The following SLCO6A1 variants were observed in gnomAD, a reference collection of about 807,000 sequenced individuals.
SLCO6A1 encodes cancer/testis antigen 48.
Under a neutral mutation model 72.7 loss-of-function variants are expected in SLCO6A1, and 65 were observed. The ratio of observed to expected loss-of-function variants is 0.89; its 90% confidence interval spans 0.73 to 1.10. The LOEUF (loss-of-function observed/expected upper bound fraction) is 1.10, where lower values mean the gene tolerates loss of function less well. Ranked by LOEUF, SLCO6A1 falls within the 50% of genes least tolerant of loss-of-function variation. The probability of loss-of-function intolerance (pLI) is 0.00; values close to 1 mark genes in which losing one functional copy is unlikely to be tolerated. For synonymous variants in SLCO6A1, 314 were observed against 298.2 expected (o/e 1.05, Z -0.55); for missense variants, 874 against 872.6 (o/e 1.00, Z -0.02).
intron 8 of SLCO6A1, among the ~76,000 whole-genome samples, chr5:102,418,229 C>A (rs1362125374): frequency 2.0e-5 from 3 of 151,634 alleles, no homozygotes. Flanking sequence ...TATACATATA[C>A]TTTTTGCTAA....
chr5:102,445,352 C>T (rs953091334), intron 6 of SLCO6A1, among the ~76,000 whole-genome samples: 1 of 152,100 alleles, frequency 6.6e-6, no homozygotes, highest in Non-Finnish European at 1.5e-5. Flanking sequence ...TGTTTTTTGG[C>T]CACATGTATG....
chr5:102,498,269 A>G (rs1283436475), intron 1 of SLCO6A1, among the ~76,000 whole-genome samples: 1 of 152,184 alleles, frequency 6.6e-6, no homozygotes, highest in Non-Finnish European at 1.5e-5. Flanking sequence ...CCCTTCCTTG[A>G]TAAATCTTCT....
chr5:102,493,051 GA>G (rs1752753263), intron 1 of SLCO6A1, among the ~76,000 whole-genome samples: 2 of 152,028 alleles, frequency 1.3e-5, no homozygotes, highest in Non-Finnish European at 1.5e-5. Context: ...ATGTACCCTA[GA>G]ACTTAAAGTG....
In SLCO6A1 at chr5:102,493,826, G is replaced by A. The variant is rs540173102; in HGVS notation, c.358+4661C>T. 2.1e-3 allele frequency among the ~76,000 whole-genome samples: 316 copies of A among 152,262 alleles called. 3 individuals carry two copies. Among genetic ancestry groups the A allele is most frequent in the African/African-American group, 7.2e-3 (300 of 41,568 alleles). Reference sequence around the variant, plus strand: ...CAGGATAGAAGATGTAAATGAAGATGATATATCCAGCATGTTCAGTCATGA... The same window carrying A: ...CAGGATAGAAGATGTAAATGAAGATAATATATCCAGCATGTTCAGTCATGA... On this transcript the variant is annotated intron_variant, in intron 1 of 13. Transcript: ENST00000506729.
chr5:102,405,062 A>G (rs561382876), intron 9 of SLCO6A1, among the ~76,000 whole-genome samples: 4 of 152,284 alleles, frequency 2.6e-5, no homozygotes, highest in African/African-American at 9.6e-5. Context: ...TATTTGTTAT[A>G]CAATTTTACA....
At chr5:102,408,867 A>G (rs966703188) in intron 9 of SLCO6A1, among the ~76,000 whole-genome samples, 5 of 152,170 alleles carry the variant, frequency 3.3e-5, no homozygotes, top group African/African-American at 1.2e-4. Context: ...TTCCAATGAT[A>G]TTTAAGCTGA....
At chr5:102,427,860 ATATATTTTTTT>A (rs1436096582) in intron 7 of SLCO6A1, among the ~76,000 whole-genome samples, 6 of 99,464 alleles carry the variant, frequency 6.0e-5, no homozygotes, top group African/African-American at 3.7e-4. Context: ...ATATATATAT[ATATATTTTTTT>A]TTTTTTTTTT....
In SLCO6A1 at chr5:102,473,272, A is replaced by T. The variant is rs191865041; in HGVS notation, c.899+2425T>A. On this transcript the variant is annotated intron_variant, in intron 4 of 13. Transcript: ENST00000506729. ...TAACAACATATTAAAGGGAATATAC[A>T]TCATAATCAAGTGGGATTTGTTTCT... 1.6e-3 allele frequency among the ~76,000 whole-genome samples: 237 copies of T among 152,196 alleles called. 1 individual carries two copies. Among genetic ancestry groups the T allele is most frequent in the Admixed American group, 5.8e-3 (89 of 15,256 alleles).
intron 12 of SLCO6A1, among the ~76,000 whole-genome samples, chr5:102,380,904 T>C (rs183841725): frequency 6.6e-6 from 1 of 151,928 alleles, no homozygotes; most frequent in Non-Finnish European, 1.5e-5. Context: ...AGAGTAAGCA[T>C]GCCAACCACC....
At chr5:102,412,899 C>T in intron 9 of SLCO6A1, 91 bp downstream of exon 9, 1 of 527,802 alleles carries the variant, frequency 1.9e-6, no homozygotes, top group Non-Finnish European at 2.8e-6. Context: ...TTGAACATTT[C>T]ACTAAAGAGG....
intron 1 of SLCO6A1, 150 bp downstream of exon 1, chr5:102,498,337 G>A (rs999965754): frequency 1.5e-6 from 1 of 687,514 alleles, no homozygotes; most frequent in Non-Finnish European, 2.4e-6. Context: ...ATCCGACAAC[G>A]CCTTGAGAAG....
intron 7 of SLCO6A1, among the ~76,000 whole-genome samples, chr5:102,428,455 A>G (rs998035145): frequency 4.6e-5 from 7 of 152,282 alleles, no homozygotes; most frequent in Non-Finnish European, 7.4e-5. Context: ...GGAAATCTTC[A>G]TAACAACAAG....
chr5:102,405,779 T>C (rs2112566684), intron 9 of SLCO6A1, among the ~76,000 whole-genome samples: 1 of 152,162 alleles, frequency 6.6e-6, no homozygotes, highest in African/African-American at 2.4e-5. Context: ...ACTACATTAT[T>C]TTCATAAGAT....
intron 6 of SLCO6A1, among the ~76,000 whole-genome samples, chr5:102,453,473 A>T (rs1031866391): frequency 9.9e-5 from 15 of 152,172 alleles, no homozygotes; most frequent in Non-Finnish European, 4.4e-5. Context: ...GACAGTTTGT[A>T]CTGACTTTTT....
intron 1 of SLCO6A1, among the ~76,000 whole-genome samples, chr5:102,491,915 T>C (rs1752699515): frequency 6.6e-6 from 1 of 152,224 alleles, no homozygotes. Context: ...CTCTCAACAG[T>C]TCTGCAGGCT....
intron 9 of SLCO6A1, among the ~76,000 whole-genome samples, chr5:102,411,683 G>A (rs2112584389): frequency 6.6e-6 from 1 of 152,022 alleles, no homozygotes; most frequent in Non-Finnish European, 1.5e-5. Context: ...CATCAGATGG[G>A]TTTTATTTAA....
chr5:102,446,981 C>T (rs966568895), intron 6 of SLCO6A1, among the ~76,000 whole-genome samples: 1 of 152,146 alleles, frequency 6.6e-6, no homozygotes, highest in African/African-American at 2.4e-5. Flanking sequence ...TCTCAAGCTC[C>T]TGACCTCGTG....
intron 9 of SLCO6A1, among the ~76,000 whole-genome samples, chr5:102,401,377 TG>T (rs772424229): frequency 6.6e-6 from 1 of 152,102 alleles, no homozygotes; most frequent in East Asian, 1.9e-4. Context: ...TAAAGAACTT[TG>T]GTTTTTATTT....
At chr5:102,498,133 G>C (rs1752989534) in intron 1 of SLCO6A1, among the ~76,000 whole-genome samples, 1 of 152,090 alleles carries the variant, frequency 6.6e-6, no homozygotes, top group Non-Finnish European at 1.5e-5. Context: ...GCCCCTGCCA[G>C]CCAAATTATC....
Sources: allele counts gnomAD v4.1 joint callset (sites outside exome capture counted in the v4.1 genomes callset), GRCh38; gene constraint gnomAD v4.1.1; transcripts MANE v1.5; gene names NCBI Gene and HGNC (gene_info 2026-07-23, HGNC 2026-07-21).